CFDP1: variants seen among roughly 807,000 people sequenced by gnomAD.
The protein encoded by CFDP1 is heterochromatin-stabilizing protein CFDP1.
In CFDP1, 31 loss-of-function variants were observed where a neutral mutation model predicts 40.1. The observed-to-expected ratio is 0.77, with a 90% CI of 0.58 to 1.04. The LOEUF (loss-of-function observed/expected upper bound fraction) is 1.04. Among genes scored for constraint, CFDP1 ranks in the 50% least tolerant of loss-of-function variants. The probability of loss-of-function intolerance (pLI) is 0.00; values close to 1 mark genes in which losing one functional copy is unlikely to be tolerated. For missense variants in CFDP1, 423 were observed against 343.4 expected, an observed-to-expected ratio of 1.23 and a Z score of -1.83; for synonymous variants, 167 against 120.0, an observed-to-expected ratio of 1.39 and a Z score of -2.56.
rs148119523 is a variant in CFDP1, at chr16:75,415,255, A to G, written c.65-560T>C. Among the ~76,000 whole-genome samples the G allele has an allele frequency of 3.6e-3, 548 of 152,336 alleles. 4 individuals carry two copies. Among genetic ancestry groups the G allele is most frequent in the African/African-American group, 0.012 (515 of 41,580 alleles). On this transcript the variant is annotated intron_variant, in intron 1 of 6. Transcript: ENST00000283882. ...AGACACTGACATTCAAGGGTCCCCA[A>G]CAAAAGAGTGTTGCTTGGATGTCTG...
In CFDP1 at chr16:75,328,450, T is replaced by C. The variant is rs369696360; in HGVS notation, c.651-23268A>G. ...AAATACAAAAAAAAAAGAAAAAAAA[T>C]AGCTGGGTGTGGTGGCAGGCGCCTG... On this transcript the variant is annotated intron_variant, in intron 5 of 6. Transcript: ENST00000283882. Among the ~76,000 whole-genome samples, 6 of 142,798 alleles carry C rather than the reference T, an allele frequency of 4.2e-5. No individual in the cohort carries two copies. In the East Asian group the frequency reaches 1.3e-3, roughly 32 times the overall value. 93.7% of individuals were successfully genotyped at this position (142,798 alleles called of 152,430 possible).
chr16:75,376,664 G>A (rs919529347), intron 5 of CFDP1, among the ~76,000 whole-genome samples: 2 of 152,168 alleles, frequency 1.3e-5, no homozygotes, highest in African/African-American at 4.8e-5. Flanking sequence ...CTTGGATAGT[G>A]GCTATGAAGT....
In CFDP1 at chr16:75,414,632, T is replaced by G; in HGVS notation, c.128A>C (p.Glu43Ala). ...LVKEDEVDGEEQTQKTQGKKR... is the reference protein window; with the variant it reads ...LVKEDEVDGEAQTQKTQGKKR... ...TTTCCCTTGGGTTTTCTGTGTCTGC[T>G]CTTCACCATCCACTTCATCTTCCTT... Residue 43 changes from glutamate (E) to alanine (A), a missense_variant, in exon 2 of 7, where the codon GAG becomes GCG. Physicochemically the swap from Glu to Ala is moderately radical, Grantham distance 107 (BLOSUM62 -1). Coordinates refer to ENST00000283882, the MANE Select transcript of CFDP1 (RefSeq NM_006324.3). 1 of 1,613,954 alleles carries G rather than the reference T, an allele frequency of 6.2e-7. No homozygotes were observed. The highest frequency in any genetic ancestry group is 1.1e-5 in the South Asian group (1 of 91,070).
intron 5 of CFDP1, among the ~76,000 whole-genome samples, chr16:75,329,848 T>A (rs1037489807): frequency 2.0e-5 from 3 of 152,232 alleles, no homozygotes; most frequent in Non-Finnish European, 4.4e-5. Flanking sequence ...GCAACCATGC[T>A]GATGCTAGGG....
At chr16:75,419,080 C>A in intron 1 of CFDP1, 1 of 418,594 alleles carries the variant, frequency 2.4e-6, no homozygotes, top group Non-Finnish European at 4.9e-6. Flanking sequence ...GAATTGAAGG[C>A]TACAGTAAGC....
chr16:75,408,804 T>C (rs2079128758), intron 4 of CFDP1, among the ~76,000 whole-genome samples: 1 of 151,892 alleles, frequency 6.6e-6, no homozygotes, highest in African/African-American at 2.4e-5. Context: ...AAAATAGTGT[T>C]GATTCAAAGT....
At chr16:75,412,082 C>T (rs893000706) in intron 3 of CFDP1, 130 bp from the exon 4 acceptor site, 1 of 925,314 alleles carries the variant, frequency 1.1e-6, no homozygotes, top group Admixed American at 3.4e-5. Flanking sequence ...GTAACACAAT[C>T]TTGGCTCACT....
chr16:75,367,772 G>A (rs1319051483), intron 5 of CFDP1, among the ~76,000 whole-genome samples: 3 of 127,640 alleles, frequency 2.4e-5, no homozygotes, highest in South Asian at 2.6e-4. Context: ...CAGCCTGGGC[G>A]ACAGAGTGAC....
intron 5 of CFDP1, among the ~76,000 whole-genome samples, chr16:75,351,144 G>C (rs1183564354): frequency 6.6e-6 from 1 of 152,136 alleles, no homozygotes; most frequent in African/African-American, 2.4e-5. Context: ...TTTGTTCTTA[G>C]GAAGGTAGAA....
chr16:75,411,870 T>C lies in CFDP1; in HGVS notation c.485A>G (p.Lys162Arg), dbSNP rs773289333. 15 of 1,612,654 alleles carry C rather than the reference T, an allele frequency of 9.3e-6. No homozygotes were observed. In the South Asian group the frequency reaches 1.5e-4, roughly 17 times the overall value. The change falls in exon 4 of 7, where the codon AAA becomes AGA. Residue 162 changes from lysine (K) to arginine (R), a missense_variant. Transcript: ENST00000283882. ...EELEKPKETE[K>R]VKITKVFDFA... ...ATCAAACACCTTGGTGATTTTAACT[T>C]TTTCTGTTTCTTTAGGTTTCTCTAG...
At chr16:75,431,473 A>AAAG (rs2079416069) in intron 1 of CFDP1, among the ~76,000 whole-genome samples, 3 of 146,260 alleles carry the variant, frequency 2.1e-5, no homozygotes, top group African/African-American at 2.6e-5. Context: ...AAAAAAAAAA[A>AAAG]AAAAGAAAAG....
chr16:75,345,766 C>G (rs959830467), intron 5 of CFDP1, among the ~76,000 whole-genome samples: 2 of 152,144 alleles, frequency 1.3e-5, no homozygotes, highest in Non-Finnish European at 2.9e-5. Flanking sequence ...TTACTGTGAT[C>G]AGTTAGACCA....
intron 5 of CFDP1, among the ~76,000 whole-genome samples, chr16:75,347,876 A>T (rs2078580898): frequency 6.6e-6 from 1 of 152,188 alleles, no homozygotes. Flanking sequence ...ATGCGAAATC[A>T]CGAAGCAAAC....
rs566095302 is a variant in CFDP1, at chr16:75,295,243, G to A, written c.810-1201C>T. 2.5e-4 allele frequency among the ~76,000 whole-genome samples: 38 copies of A among 152,246 alleles called. No homozygotes were observed. The South Asian group carries it at 5.2e-3, about 21-fold the overall frequency. On this transcript the variant is annotated intron_variant, in intron 6 of 6. Transcript: ENST00000283882. ...TACCATCCATCCTACCTCATTTCCAGCTAGGCCTGACTACCCTGACCCTTC... is the reference window on the plus strand; with the variant it reads ...TACCATCCATCCTACCTCATTTCCAACTAGGCCTGACTACCCTGACCCTTC...
At chr16:75,330,779 T>C (rs1421630010) in intron 5 of CFDP1, among the ~76,000 whole-genome samples, 1 of 152,160 alleles carries the variant, frequency 6.6e-6, no homozygotes, top group East Asian at 1.9e-4. Flanking sequence ...GTATGCTAAG[T>C]AGACTATAAA....
chr16:75,337,135 T>C (rs1018000367), intron 5 of CFDP1, among the ~76,000 whole-genome samples: 3 of 152,216 alleles, frequency 2.0e-5, no homozygotes, highest in African/African-American at 7.2e-5. Context: ...TCAGTTAAAA[T>C]GAACTTCCTA....
chr16:75,431,454 C>CAAAAAAAAAAAAAAA (rs60902612), intron 1 of CFDP1, among the ~76,000 whole-genome samples: 9 of 59,598 alleles, frequency 1.5e-4, no homozygotes, highest in Non-Finnish European at 2.6e-4. Context: ...ACTCTTGTCT[C>CAAAAAAAAAAAAAAA]AAAAAAAAAA....
intron 4 of CFDP1, among the ~76,000 whole-genome samples, chr16:75,410,055 CAAAAAAAAAAA>C (rs150987819): frequency 5.7e-5 from 3 of 52,534 alleles, no homozygotes; most frequent in African/African-American, 1.6e-4. Flanking sequence ...GACCCTTTCT[CAAAAAAAAAAA>C]AAAAAAAAAA....
intron 4 of CFDP1, among the ~76,000 whole-genome samples, chr16:75,403,281 C>G (rs577209453): frequency 2.0e-5 from 3 of 152,154 alleles, no homozygotes; most frequent in Non-Finnish European, 4.4e-5. Flanking sequence ...TTCAGTGGCA[C>G]GATCTCAGCA....
Sources: allele counts gnomAD v4.1 joint callset (sites outside exome capture counted in the v4.1 genomes callset), GRCh38; gene constraint gnomAD v4.1.1; transcripts MANE v1.5; gene names NCBI Gene and HGNC (gene_info 2026-07-23, HGNC 2026-07-21).